The following GPM6A variants were observed in gnomAD, a reference collection of about 807,000 sequenced individuals.
GPM6A encodes the protein neuronal membrane glycoprotein M6-a.
GPM6A carries 7 observed loss-of-function variants against 32.1 expected under a neutral mutation model. The observed-to-expected ratio is 0.22, with a 90% CI of 0.12 to 0.41. The LOEUF (loss-of-function observed/expected upper bound fraction) is 0.41, where lower values mean the gene tolerates loss of function less well. GPM6A is among the 10% of genes least tolerant of loss of function. The pLI is 1.00. For synonymous variants in GPM6A, 130 were observed against 123.4 expected, an observed-to-expected ratio of 1.05 and a Z score of -0.35; for missense variants, 235 against 347.2, an observed-to-expected ratio of 0.68 and a Z score of 2.57.
chr4:175,933,853 A>G (rs1739137936), intron 1 of GPM6A, among the ~76,000 whole-genome samples: 1 of 152,112 alleles, frequency 6.6e-6, no homozygotes, highest in Non-Finnish European at 1.5e-5. Context: ...CAGAAGTTTT[A>G]TTCATAGAAG....
In GPM6A at chr4:175,910,217, G is replaced by A. The variant is rs563848754; in HGVS notation, c.-23+92092C>T. 2.4e-4 allele frequency among the ~76,000 whole-genome samples: 36 copies of A among 152,152 alleles called. No homozygotes were observed. The South Asian group carries it at 6.2e-3, about 26-fold the overall frequency. ...GCTACAGCACACCACTGGTTTCCCTGACCCTTGAAAAAATGTGTTTCTACC... is the reference window on the plus strand; with the variant it reads ...GCTACAGCACACCACTGGTTTCCCTAACCCTTGAAAAAATGTGTTTCTACC... On this transcript the variant is annotated intron_variant, in intron 1 of 7. Coordinates refer to the GPM6A transcript ENST00000280187.
chr4:175,656,009 C>G (rs1381803694), intron 3 of GPM6A, among the ~76,000 whole-genome samples: 1 of 151,952 alleles, frequency 6.6e-6, no homozygotes, highest in East Asian at 1.9e-4. Context: ...GTATTTATTG[C>G]TTTGAACAGA....
chr4:175,815,811 G>A (rs149200058), upstream of GPM6A, among the ~76,000 whole-genome samples: 412 of 144,448 alleles, frequency 2.9e-3, 2 homozygotes, highest in East Asian at 0.035. Context: ...TCTGCCTCCC[G>A]GATTCAAGCG....
intron 1 of GPM6A, among the ~76,000 whole-genome samples, chr4:175,708,954 G>T (rs1745375407): frequency 6.6e-6 from 1 of 152,140 alleles, no homozygotes; most frequent in Admixed American, 6.5e-5. Context: ...AAACTATCCA[G>T]TCCACTTGTG....
intron 1 of GPM6A, among the ~76,000 whole-genome samples, chr4:175,844,399 C>G (rs1423796753): frequency 6.6e-6 from 1 of 152,164 alleles, no homozygotes; most frequent in Non-Finnish European, 1.5e-5. Flanking sequence ...TACTCTCTGT[C>G]AACAATACAT....
chr4:175,950,661 TG>T (rs1195676063), intron 1 of GPM6A, among the ~76,000 whole-genome samples: 1 of 152,176 alleles, frequency 6.6e-6, no homozygotes, highest in African/African-American at 2.4e-5. Flanking sequence ...TGCTATTTTT[TG>T]CTGTGCCTGA....
At chr4:175,821,128 C>A (rs560235296) in intron 1 of GPM6A, among the ~76,000 whole-genome samples, 1 of 152,156 alleles carries the variant, frequency 6.6e-6, no homozygotes, top group Non-Finnish European at 1.5e-5. Flanking sequence ...GAGAATCCTA[C>A]TGTTCTACGT....
intron 2 of GPM6A, among the ~76,000 whole-genome samples, chr4:175,695,708 A>G (rs1744540649): frequency 6.6e-6 from 1 of 152,158 alleles, no homozygotes; most frequent in African/African-American, 2.4e-5. Flanking sequence ...TGGATTTTTG[A>G]ATTAATACTG....
chr4:175,741,945 G>A (rs984009299), intron 1 of GPM6A, among the ~76,000 whole-genome samples: 37 of 151,854 alleles, frequency 2.4e-4, no homozygotes, highest in African/African-American at 7.7e-4. Flanking sequence ...TCAAAGCTAC[G>A]CATTTATGGA....
At chr4:175,925,850 C>CTTTCTTTTTT (rs1738821462) in intron 1 of GPM6A, among the ~76,000 whole-genome samples, 1 of 135,118 alleles carries the variant, frequency 7.4e-6, no homozygotes, top group African/African-American at 2.7e-5. Flanking sequence ...CTTTTCTTTT[C>CTTTCTTTTTT]TTTTTTTTTT....
chr4:175,751,763 GTTGTTTGTTTTTTGGTTTGT>G (rs1732347722), intron 1 of GPM6A, among the ~76,000 whole-genome samples: 1 of 151,256 alleles, frequency 6.6e-6, no homozygotes, highest in Non-Finnish European at 1.5e-5. Flanking sequence ...TTTTGTTGTT[GTTGTTTGTTTTTTGGTTTGT>G]TTGTTTGTTT....
At chr4:175,751,933 C>T (rs1197002738) in intron 1 of GPM6A, among the ~76,000 whole-genome samples, 1 of 152,040 alleles carries the variant, frequency 6.6e-6, no homozygotes, top group Non-Finnish European at 1.5e-5. Flanking sequence ...AGAATTTGCT[C>T]TATTTTTGAG....
intron 1 of GPM6A, among the ~76,000 whole-genome samples, chr4:175,716,388 T>G (rs1745843078): frequency 6.6e-6 from 1 of 152,222 alleles, no homozygotes; most frequent in African/African-American, 2.4e-5. Flanking sequence ...TATTTTTCTT[T>G]CTGAGTAACT....
intron 1 of GPM6A, among the ~76,000 whole-genome samples, chr4:175,837,949 T>C (rs1735818615): frequency 6.6e-6 from 1 of 151,954 alleles, no homozygotes; most frequent in African/African-American, 2.4e-5. Flanking sequence ...ACAATAATGG[T>C]ACAACTTTTG....
chr4:175,853,060 C>T (rs1356356932), intron 1 of GPM6A, among the ~76,000 whole-genome samples: 1 of 151,944 alleles, frequency 6.6e-6, no homozygotes, highest in African/African-American at 2.4e-5. Flanking sequence ...AACTTGAATC[C>T]CACAAAAACC....
chr4:175,802,939 A>G (rs1560941388), intron 1 of GPM6A, among the ~76,000 whole-genome samples: 1 of 152,118 alleles, frequency 6.6e-6, no homozygotes, highest in Admixed American at 6.5e-5. Flanking sequence ...TTCAGGTCAA[A>G]GAATAAAAGA....
chr4:175,836,474 A>T (rs963968736), intron 1 of GPM6A, among the ~76,000 whole-genome samples: 9 of 152,190 alleles, frequency 5.9e-5, no homozygotes, highest in Non-Finnish European at 1.0e-4. Context: ...ACATTGTATG[A>T]TACATAGTGG....
chr4:175,799,692 G>GAGTCTC, intron 1 of GPM6A, among the ~76,000 whole-genome samples: 1 of 49,230 alleles, frequency 2.0e-5, no homozygotes, highest in Non-Finnish European at 6.3e-5. Context: ...TTTTGAGACG[G>GAGTCTC]AGTCTCGCTC....
intron 1 of GPM6A, among the ~76,000 whole-genome samples, chr4:175,953,698 G>A (rs1739893069): frequency 6.6e-6 from 1 of 151,984 alleles, no homozygotes; most frequent in South Asian, 2.1e-4. Context: ...GGTCGGGATC[G>A]AGACCAGCCT....
Sources: gnomAD v4.1 joint callset for allele counts (sites outside exome capture counted in the v4.1 genomes callset) on GRCh38, gnomAD v4.1.1 for gene constraint, MANE v1.5 for transcripts, NCBI Gene and HGNC (gene_info 2026-07-23, HGNC 2026-07-21) for gene names.